Variants in NUP214 observed in about 807,000 individuals in gnomAD.
NUP214 encodes nucleoporin 214.
A neutral mutation model predicts 196.2 loss-of-function variants in NUP214; 79 were observed. That is an observed-to-expected ratio of 0.40 (90% CI 0.34 to 0.49). The LOEUF is 0.49. Ranked by LOEUF, NUP214 falls within the 20% of genes least tolerant of loss-of-function variation. The pLI is 0.58. For synonymous variants in NUP214, 1,020 were observed against 990.5 expected, an observed-to-expected ratio of 1.03 and a Z score of -0.56; for missense variants, 2,468 against 2,539.0, an observed-to-expected ratio of 0.97 and a Z score of 0.60.
Position 131,232,175 on chromosome 9 carries a change from G to A in NUP214, c.6215-109G>A, listed in dbSNP as rs575820936. 1.5e-5 allele frequency: 17 copies of A among 1,156,704 alleles called. No individual in the cohort carries two copies. In the East Asian group the frequency reaches 1.6e-4, roughly 11 times the overall value. The allele number at this position is 1,156,704 out of a possible 1,614,324, so 71.7% of individuals were successfully genotyped here. On this transcript the variant is annotated intron_variant, in intron 34 of 35. Transcript: ENST00000359428. The surrounding 1 kb of genome is among the most constrained non-coding windows in gnomAD (Gnocchi z 5.1). ...GCCTTCCTGTAGGTGGTGGAGGCAC[G>A]GAGGGCTTCCCACAAGAAGCACAGA...
In NUP214 at chr9:131,144,738, G is replaced by A. The variant is rs763070382; in HGVS notation, c.1753G>A (p.Val585Ile). 6 of 1,603,326 alleles carry A rather than the reference G, an allele frequency of 3.7e-6. No individual in the cohort carries two copies. In the East Asian group the frequency reaches 1.1e-4, roughly 30 times the overall value. The change falls in exon 12 of 36, where the codon GTC (valine) becomes ATC (isoleucine). Residue 585 changes from valine (V) to isoleucine (I), a missense_variant. Transcript: ENST00000359428. ...CCCACCCTCAACCTCTGCTGTCAAA[G>A]TCAACCTTAGTGAAAAGTAAGTCAC... ...SFPPSTSAVKVNLSEKFTAAA... is the reference protein window; with the variant it reads ...SFPPSTSAVKINLSEKFTAAA...
intron 33 of NUP214, chr9:131,229,438 A>G: frequency 3.3e-6 from 1 of 304,038 alleles, no homozygotes; most frequent in South Asian, 2.6e-5. Flanking sequence ...GCAGTGATGA[A>G]CCAGCACACA....
intron 24 of NUP214, among the ~76,000 whole-genome samples, chr9:131,179,685 C>T (rs1041017009): frequency 1.2e-4 from 19 of 152,184 alleles, no homozygotes; most frequent in African/African-American, 4.6e-4. Context: ...CTCACTGGTC[C>T]GCTGGCCTCT....
chr9:131,234,634 T>C lies in NUP214; in HGVS notation c.*1147T>C, dbSNP rs1431470515. On this transcript the variant is annotated 3_prime_UTR_variant, in exon 36 of 36. Coordinates refer to ENST00000359428, the MANE Select transcript of NUP214 (RefSeq NM_005085.4). ...ATATTGGCAGGTTGTATTTTTTTAATGTTTTAATAAAAGTTTGACATGACA... is the reference window on the plus strand; with the variant it reads ...ATATTGGCAGGTTGTATTTTTTTAACGTTTTAATAAAAGTTTGACATGACA... The C allele has an allele frequency of 1.8e-5, 4 of 224,636 alleles. No individual in the cohort carries two copies. Among genetic ancestry groups the C allele is most frequent in the African/African-American group, 8.9e-5 (4 of 44,824 alleles). The allele number at this position is 224,636 out of a possible 1,614,324, so 13.9% of individuals were successfully genotyped here. A position where few individuals can be genotyped will look rare whatever the true frequency, so the allele number is the denominator to read the frequency against.
chr9:131,171,945 G>A (rs1261175653), intron 21 of NUP214, among the ~76,000 whole-genome samples: 2 of 152,138 alleles, frequency 1.3e-5, no homozygotes, highest in African/African-American at 2.4e-5. Context: ...TCTTAAACCA[G>A]TCTATCATTG....
At chr9:131,203,177 T>C (rs1040087405) in intron 30 of NUP214, among the ~76,000 whole-genome samples, 1 of 151,252 alleles carries the variant, frequency 6.6e-6, no homozygotes, top group African/African-American at 2.4e-5. Flanking sequence ...GATCTCCTGA[T>C]CTCGTGATCC....
chr9:131,211,731 T>C (rs185959985), intron 30 of NUP214, among the ~76,000 whole-genome samples: 2 of 152,348 alleles, frequency 1.3e-5, no homozygotes, highest in African/African-American at 4.8e-5. Context: ...ATCAGTACTC[T>C]TGTGATTTCC....
chr9:131,201,803 A>G, intron 30 of NUP214, 86 bp downstream of exon 30: 1 of 1,164,346 alleles, frequency 8.6e-7, no homozygotes, highest in Non-Finnish European at 1.3e-6. Context: ...TTCGTGTTGT[A>G]TATCTAAATC....
rs753078879 is a variant in NUP214, at chr9:131,197,752, G to A, written c.4258G>A (p.Gly1420Arg). The change falls in exon 29 of 36, where the codon GGA (glycine) becomes AGA (arginine). Residue 1420 changes from glycine to arginine, a missense_variant. This residue lies in a region of NUP214 where 1,801 missense variants were observed against 1,779.4 expected (regional missense o/e 1.01). Coordinates refer to ENST00000359428, the MANE Select transcript of NUP214 (RefSeq NM_005085.4). ...TGGCAGTCTGCCAGTCACCAGTGCA[G>A]GATCCTCTGGGGTCATCAGTTTTGG... Reference protein sequence around the residue: ...VFGSLPVTSAGSSGVISFGGT... With the variant: ...VFGSLPVTSARSSGVISFGGT... The A allele has an allele frequency of 3.7e-6, 6 of 1,614,076 alleles. No individual in the cohort carries two copies. The highest frequency in any genetic ancestry group is 5.1e-6 in the Non-Finnish European group (6 of 1,180,050).
chr9:131,135,560 T>C (rs192284767), intron 8 of NUP214, among the ~76,000 whole-genome samples: 37 of 152,378 alleles, frequency 2.4e-4, no homozygotes, highest in Admixed American at 2.0e-3. Context: ...ATATTGATAT[T>C]CAAGGAATAT....
At chr9:131,226,394 A>G (rs1834726133) in intron 32 of NUP214, among the ~76,000 whole-genome samples, 1 of 152,100 alleles carries the variant, frequency 6.6e-6, no homozygotes, top group South Asian at 2.1e-4. Flanking sequence ...GCTGTGACCC[A>G]GGTGTGTTGT....
At chr9:131,231,838 C>CCT (rs1425686614) in intron 34 of NUP214, among the ~76,000 whole-genome samples, 5 of 150,208 alleles carry the variant, frequency 3.3e-5, no homozygotes, top group Admixed American at 1.3e-4. Flanking sequence ...TAGAACCAGG[C>CCT]CTAGAATCCA....
intron 30 of NUP214, among the ~76,000 whole-genome samples, chr9:131,202,977 G>T (rs903892197): frequency 1.3e-5 from 2 of 149,956 alleles, no homozygotes; most frequent in Admixed American, 6.7e-5. Flanking sequence ...ACCGAGTGTC[G>T]CTCTTTTGCC....
chr9:131,127,426 A>G, intron 1 of NUP214, 98 bp from the exon 2 acceptor site: 1 of 907,108 alleles, frequency 1.1e-6, no homozygotes, highest in Non-Finnish European at 1.7e-6. Context: ...GGTCTCAGTA[A>G]TACATATTTT....
At chr9:131,131,387 A>T (rs1422405781) in intron 5 of NUP214, among the ~76,000 whole-genome samples, 1 of 152,184 alleles carries the variant, frequency 6.6e-6, no homozygotes, top group Non-Finnish European at 1.5e-5. Context: ...CTTCAATATC[A>T]ATTGAGTTGC....
At chr9:131,135,349 T>G (rs1202223665) in intron 8 of NUP214, 1 of 226,762 alleles carries the variant, frequency 4.4e-6, no homozygotes, top group Non-Finnish European at 8.6e-6. Flanking sequence ...AGATTACAGG[T>G]GTGAGCTACC....
intron 16 of NUP214, among the ~76,000 whole-genome samples, 178 bp from the exon 17 acceptor site, chr9:131,151,558 T>C (rs1490589591): frequency 6.6e-6 from 1 of 152,176 alleles, no homozygotes; most frequent in Admixed American, 6.5e-5. Context: ...AAAATAAATA[T>C]AAAAAAAGAA....
chr9:131,214,349 C>T (rs1048539972), intron 30 of NUP214, among the ~76,000 whole-genome samples: 5 of 152,186 alleles, frequency 3.3e-5, no homozygotes, highest in African/African-American at 1.2e-4. Context: ...CATTTCTTGG[C>T]TCACGTAATT....
At chr9:131,129,702 C>T (rs569151753) in intron 4 of NUP214, among the ~76,000 whole-genome samples, 44 of 152,140 alleles carry the variant, frequency 2.9e-4, no homozygotes, top group African/African-American at 1.0e-3. Flanking sequence ...CTCCTGGGTT[C>T]AAGCAATTCT....
Sources: allele counts gnomAD v4.1 joint callset (sites outside exome capture counted in the v4.1 genomes callset), GRCh38; gene constraint gnomAD v4.1.1; regional missense constraint gnomAD v4.1.1; non-coding constraint Gnocchi (gnomAD v3.1); transcripts MANE v1.5; gene names NCBI Gene and HGNC (gene_info 2026-07-23, HGNC 2026-07-21).